The following COXFA4 variants were observed in gnomAD, a reference collection of about 807,000 sequenced individuals.
COXFA4 encodes cytochrome c oxidase subunit FA4.
the COXFA4 span, chr7:10,939,468 T>C: frequency 7.2e-5 from 13 of 180,376 alleles, no homozygotes; most frequent in East Asian, 1.4e-3. Flanking sequence ...CTACAGCACA[T>C]TGATGTGCTG....
the COXFA4 span, among the ~76,000 whole-genome samples, chr7:10,934,398 CCT>C: frequency 3.5e-4 from 47 of 133,336 alleles, no homozygotes; most frequent in East Asian, 9.2e-3. Flanking sequence ...AAAAAAACTC[CCT>C]CTCTCAGTAA....
the COXFA4 span, among the ~76,000 whole-genome samples, chr7:10,934,104 T>G: frequency 6.6e-6 from 1 of 152,166 alleles, no homozygotes; most frequent in Non-Finnish European, 1.5e-5. Flanking sequence ...CCCTACTTGC[T>G]GAATGAACTG....
the COXFA4 span, among the ~76,000 whole-genome samples, chr7:10,935,545 C>T: frequency 6.6e-6 from 1 of 152,192 alleles, no homozygotes; most frequent in Non-Finnish European, 1.5e-5. Flanking sequence ...GTTGTAACCT[C>T]AAACGCCAAT....
At chr7:10,933,655 T>C in the COXFA4 span, 5 of 1,610,852 alleles carry the variant, frequency 3.1e-6, 1 homozygote, top group African/African-American at 5.3e-5. Flanking sequence ...TGGACGTTCC[T>C]TCTTCAGCTT....
chr7:10,932,913 T>C, the COXFA4 span: 1 of 150,140 alleles, frequency 6.7e-6, no homozygotes, highest in Non-Finnish European at 1.5e-5. Context: ...GAGGCTGCAG[T>C]GATCCATGTT....
the COXFA4 span, chr7:10,932,563 T>G: frequency 1.3e-5 from 2 of 152,356 alleles, no homozygotes; most frequent in East Asian, 3.9e-4. Flanking sequence ...AAATCCAAAA[T>G]TAATGTCACT....
At chr7:10,939,002 AT>A in the COXFA4 span, 1 of 849,750 alleles carries the variant, frequency 1.2e-6, no homozygotes, top group Non-Finnish European at 2.0e-6. Flanking sequence ...TCAAACTGTT[AT>A]TGGACTGTTT....
At chr7:10,938,764 G>A in the COXFA4 span, 4 of 1,440,776 alleles carry the variant, frequency 2.8e-6, no homozygotes, top group African/African-American at 2.8e-5. Context: ...CTCCTAAACT[G>A]CCTTGATCAG....
the COXFA4 span, among the ~76,000 whole-genome samples, chr7:10,937,290 G>GTT: frequency 6.9e-6 from 1 of 145,002 alleles, no homozygotes; most frequent in South Asian, 2.2e-4. Context: ...GGTTTTTTGG[G>GTT]TTTTTTTTTT....
chr7:10,935,350 T>C, the COXFA4 span, among the ~76,000 whole-genome samples: 1 of 152,218 alleles, frequency 6.6e-6, no homozygotes, highest in Non-Finnish European at 1.5e-5. Context: ...GCACAACATA[T>C]TCTGATCTTA....
the COXFA4 span, among the ~76,000 whole-genome samples, chr7:10,936,843 C>G: frequency 6.6e-6 from 1 of 152,124 alleles, no homozygotes; most frequent in Non-Finnish European, 1.5e-5. Context: ...CAAGACCAGC[C>G]TGGCCAACAC....
the COXFA4 span, chr7:10,939,809 C>T: frequency 0.031 from 20,778 of 679,424 alleles, 503 homozygotes; most frequent in Non-Finnish European, 0.035. Context: ...CCGTCTCCTT[C>T]CTCCTGTCAG....
the COXFA4 span, chr7:10,939,733 A>G: frequency 9.5e-5 from 47 of 492,616 alleles, no homozygotes; most frequent in South Asian, 9.3e-4. Flanking sequence ...TGCAAAAGAG[A>G]GCGGCCACCA....
the COXFA4 span, chr7:10,938,667 G>C: frequency 1.5e-6 from 1 of 649,966 alleles, no homozygotes. Flanking sequence ...AATGAAAACA[G>C]CAGATTTGAG....
the COXFA4 span, among the ~76,000 whole-genome samples, chr7:10,936,251 A>T: frequency 6.6e-6 from 1 of 152,168 alleles, no homozygotes; most frequent in Non-Finnish European, 1.5e-5. Flanking sequence ...AGACTCTGCT[A>T]TCAGTGTCAT....
the COXFA4 span, among the ~76,000 whole-genome samples, chr7:10,934,003 A>G: frequency 6.6e-6 from 1 of 152,174 alleles, no homozygotes; most frequent in Admixed American, 6.5e-5. Flanking sequence ...TCCTTCTGAT[A>G]CATACTTCCA....
the COXFA4 span, chr7:10,940,121 A>T: frequency 6.6e-7 from 1 of 1,514,988 alleles, no homozygotes; most frequent in Non-Finnish European, 9.1e-7. Flanking sequence ...CCCTAAGCTA[A>T]AAATTATCTG....
the COXFA4 span, among the ~76,000 whole-genome samples, chr7:10,937,301 T>TA: frequency 6.6e-6 from 1 of 151,810 alleles, no homozygotes; most frequent in African/African-American, 2.4e-5. Context: ...TTTTTTTTTT[T>TA]AGACAGAGTC....
At chr7:10,939,445 T>C in the COXFA4 span, 6,634 of 175,112 alleles carry the variant, frequency 0.038, 241 homozygotes, top group African/African-American at 0.095. Context: ...AAAGATTGCA[T>C]AGACTTTTAG....
Sources: allele counts gnomAD v4.1 joint callset (sites outside exome capture counted in the v4.1 genomes callset), GRCh38; gene constraint gnomAD v4.1.1; transcripts MANE v1.5; gene names NCBI Gene and HGNC (gene_info 2026-07-23, HGNC 2026-07-21).